PANK1: variants seen among roughly 807,000 people sequenced by gnomAD.
PANK1 encodes the protein pantothenic acid kinase 1.
PANK1 carries 18 observed loss-of-function variants against 40.1 expected under a neutral mutation model. That is an observed-to-expected ratio of 0.45 (90% confidence interval 0.31 to 0.67). The LOEUF (loss-of-function observed/expected upper bound fraction) is 0.67, where lower values mean the gene tolerates loss of function less well. PANK1 is among the 30% of genes least tolerant of loss of function. PANK1 has a pLI of 0.06. For synonymous variants in PANK1, 242 were observed against 237.7 expected, an observed-to-expected ratio of 1.02 and a Z score of -0.17; for missense variants, 457 against 599.6, an observed-to-expected ratio of 0.76 and a Z score of 2.48.
chr10:89,591,246 CA>C (rs149430971), intron 5 of PANK1, among the ~76,000 whole-genome samples: 2 of 151,548 alleles, frequency 1.3e-5, no homozygotes, highest in East Asian at 1.9e-4. Flanking sequence ...TAAAAACAAA[CA>C]AAAAAACCCT....
At chr10:89,626,266 A>AT (rs1324984759) in intron 1 of PANK1, 2 of 151,588 alleles carry the variant, frequency 1.3e-5, no homozygotes, top group Non-Finnish European at 2.9e-5. Flanking sequence ...GCAATAGAAG[A>AT]TGAGTATAAG....
intron 2 of PANK1, among the ~76,000 whole-genome samples, chr10:89,608,197 G>A (rs1224424496): frequency 1.3e-5 from 2 of 151,918 alleles, no homozygotes; most frequent in East Asian, 3.9e-4. Flanking sequence ...ACGCCCGGCT[G>A]ATTTTTTGTA....
chr10:89,616,096 A>G (rs927380601), intron 1 of PANK1, among the ~76,000 whole-genome samples: 4 of 152,244 alleles, frequency 2.6e-5, no homozygotes, highest in South Asian at 2.1e-4. Context: ...AAATATTTCT[A>G]GAGTATTCAT....
At chr10:89,592,896 A>G (rs1844444032) in intron 5 of PANK1, 1 of 531,488 alleles carries the variant, frequency 1.9e-6, no homozygotes, top group East Asian at 4.4e-5. Context: ...CCTTTTCCTC[A>G]CATTTCAGTG....
chr10:89,609,090 A>AGT (rs1845072512), intron 2 of PANK1, among the ~76,000 whole-genome samples: 1 of 152,122 alleles, frequency 6.6e-6, no homozygotes, highest in South Asian at 2.1e-4. Context: ...TTTGAGACAG[A>AGT]GTCTTACTCT....
chr10:89,641,628 A>T (rs1379582771), intron 1 of PANK1, among the ~76,000 whole-genome samples: 1 of 147,606 alleles, frequency 6.8e-6, no homozygotes, highest in East Asian at 2.8e-4. Context: ...GCTACTTGGG[A>T]GGCTGAGGCA....
At chr10:89,623,559 C>T (rs1466961548) in intron 1 of PANK1, among the ~76,000 whole-genome samples, 2 of 151,664 alleles carry the variant, frequency 1.3e-5, no homozygotes, top group Non-Finnish European at 2.9e-5. Context: ...CACACTTGAA[C>T]TTCATAATCA....
At chr10:89,638,987 C>T (rs1254958534) in intron 1 of PANK1, among the ~76,000 whole-genome samples, 2 of 152,220 alleles carry the variant, frequency 1.3e-5, no homozygotes, top group African/African-American at 4.8e-5. Flanking sequence ...CCAGCCTCTA[C>T]CTGTTACCCA....
At chr10:89,599,723 G>T (rs1304355363) in intron 2 of PANK1, among the ~76,000 whole-genome samples, 6 of 152,204 alleles carry the variant, frequency 3.9e-5, no homozygotes, top group Non-Finnish European at 7.3e-5. Context: ...AAGGACAAGA[G>T]CTTGCCTGAT....
intron 2 of PANK1, among the ~76,000 whole-genome samples, chr10:89,608,192 C>T (rs112714357): frequency 0.015 from 2,252 of 152,072 alleles, 50 homozygotes; most frequent in African/African-American, 0.051. Context: ...CGACCACGCC[C>T]GGCTGATTTT....
chr10:89,634,820 G>A (rs1564637884), intron 1 of PANK1, among the ~76,000 whole-genome samples: 1 of 152,086 alleles, frequency 6.6e-6, no homozygotes, highest in African/African-American at 2.4e-5. Flanking sequence ...TCACTAATTT[G>A]CCAGCATCAC....
At chr10:89,589,851 A>G (rs983282296) in intron 5 of PANK1, among the ~76,000 whole-genome samples, 19 of 152,012 alleles carry the variant, frequency 1.2e-4, no homozygotes, top group African/African-American at 3.9e-4. Context: ...GACTAAAAAG[A>G]AATTTAATTA....
rs1844095642 is a variant in PANK1 at position 89,583,394 on chromosome 10, T to C, written c.*1012A>G. ...TGTTGTTACAAAGTTCCTAGATATA[T>C]ACATGTACAAAACAAATAGATATTA... is the stretch of plus-strand genomic sequence containing the variant. On this transcript the variant is annotated 3_prime_UTR_variant, in exon 7 of 7. Coordinates refer to ENST00000307534, the MANE Select transcript of PANK1 (RefSeq NM_148977.3). 6.6e-6 allele frequency: 1 copy of C among 152,204 alleles called. No individual in the cohort carries two copies. The highest frequency in any genetic ancestry group is 1.5e-5 in the Non-Finnish European group (1 of 68,024). The allele number at this position is 152,204 out of a possible 1,614,324, so 9.4% of individuals were successfully genotyped here.
intron 1 of PANK1, among the ~76,000 whole-genome samples, chr10:89,635,147 G>T (rs1264736943): frequency 2.6e-5 from 4 of 151,888 alleles, no homozygotes; most frequent in African/African-American, 4.8e-5. Context: ...TATATATAGA[G>T]AGAGAGAGAG....
intron 1 of PANK1, among the ~76,000 whole-genome samples, chr10:89,635,335 TC>T (rs1841772356): frequency 6.6e-6 from 1 of 152,178 alleles, no homozygotes; most frequent in Non-Finnish European, 1.5e-5. Context: ...GCAAGGACCT[TC>T]CTGCTGCATC....
rs139336517 is a variant in PANK1, at chr10:89,596,605, T to G, written c.900-2616A>C. 2.4e-3 allele frequency among the ~76,000 whole-genome samples: 362 copies of G among 152,340 alleles called. 4 individuals are homozygous for G. Among genetic ancestry groups the G allele is most frequent in the Middle Eastern group, 0.01 (3 of 294 alleles). On this transcript the variant is annotated intron_variant, in intron 3 of 6. Transcript: ENST00000307534. ...TGCTAACCATTATTTAATCAAGTGATTTTCTTGCTCACAATCAGATGCATC... is the reference window on the plus strand; with the variant it reads ...TGCTAACCATTATTTAATCAAGTGAGTTTCTTGCTCACAATCAGATGCATC...
chr10:89,602,428 C>A (rs564367473), intron 2 of PANK1, among the ~76,000 whole-genome samples: 14 of 152,336 alleles, frequency 9.2e-5, no homozygotes, highest in Middle Eastern at 3.4e-3. Flanking sequence ...CTGAGCCCTA[C>A]AGAGACCTCC....
At chr10:89,627,845 A>C (rs1319421228) in intron 1 of PANK1, among the ~76,000 whole-genome samples, 1 of 152,252 alleles carries the variant, frequency 6.6e-6, no homozygotes, top group Non-Finnish European at 1.5e-5. Context: ...ACTAGATATG[A>C]GACTAAAACT....
intron 1 of PANK1, among the ~76,000 whole-genome samples, chr10:89,641,851 G>A (rs1215557550): frequency 6.6e-6 from 1 of 152,136 alleles, no homozygotes; most frequent in African/African-American, 2.4e-5. Context: ...CAGATAACTA[G>A]TATCATCTAG....
Sources: gnomAD v4.1 joint callset for allele counts (sites outside exome capture counted in the v4.1 genomes callset) on GRCh38, gnomAD v4.1.1 for gene constraint, MANE v1.5 for transcripts, NCBI Gene and HGNC (gene_info 2026-07-23, HGNC 2026-07-21) for gene names.